Variants in CADM2 observed in about 807,000 individuals in gnomAD.
CADM2 encodes immunoglobulin superfamily member 4D.
Under a neutral mutation model 49.8 loss-of-function variants are expected in CADM2, and 12 were observed. The ratio of observed to expected loss-of-function variants is 0.24; its 90% CI spans 0.15 to 0.39. CADM2 has a LOEUF of 0.39. Among genes scored for constraint, CADM2 ranks in the 10% least tolerant of loss-of-function variants. The pLI is 1.00. For synonymous variants in CADM2, 214 were observed against 175.4 expected (o/e 1.22, Z -1.74); for missense variants, 378 against 492.3 (o/e 0.77, Z 2.20).
chr3:85,520,899 A>G (rs1352048159), intron 1 of CADM2, among the ~76,000 whole-genome samples: 2 of 152,032 alleles, frequency 1.3e-5, no homozygotes, highest in East Asian at 3.9e-4. Context: ...GCTTCTTAGT[A>G]TACTAAACTG....
At chr3:85,558,637 A>G (rs1336810898) in intron 1 of CADM2, among the ~76,000 whole-genome samples, 1 of 152,156 alleles carries the variant, frequency 6.6e-6, no homozygotes, top group African/African-American at 2.4e-5. Context: ...TCTTAGGACT[A>G]TTTGTTAACA....
At chr3:85,680,031 A>G in intron 1 of CADM2, among the ~76,000 whole-genome samples, 1 of 152,124 alleles carries the variant, frequency 6.6e-6, no homozygotes, top group South Asian at 2.1e-4. Context: ...TAAAGGAAAT[A>G]AAAACCCTTT....
At chr3:85,048,454 A>G (rs1354882522) in intron 1 of CADM2, among the ~76,000 whole-genome samples, 1 of 152,200 alleles carries the variant, frequency 6.6e-6, no homozygotes, top group African/African-American at 2.4e-5. Context: ...AAGAGATAAA[A>G]TGATTACAGC....
At chr3:85,967,360 G>A (rs917995121) in intron 8 of CADM2, among the ~76,000 whole-genome samples, 2 of 151,600 alleles carry the variant, frequency 1.3e-5, no homozygotes, top group African/African-American at 2.4e-5. Context: ...TTTCAAATAT[G>A]TAACAGATGT....
chr3:85,543,857 C>T (rs2061605124), intron 1 of CADM2, among the ~76,000 whole-genome samples: 2 of 152,118 alleles, frequency 1.3e-5, no homozygotes, highest in Non-Finnish European at 1.5e-5. Context: ...CCACTGTTCT[C>T]CACCTTTCAA....
chr3:85,117,061 A>G (rs1001392291), intron 1 of CADM2, among the ~76,000 whole-genome samples: 2 of 151,956 alleles, frequency 1.3e-5, no homozygotes, highest in African/African-American at 4.8e-5. Flanking sequence ...TCTCTACTAA[A>G]AATACAGAAA....
At chr3:85,666,391 A>G (rs2065569056) in intron 1 of CADM2, among the ~76,000 whole-genome samples, 1 of 151,952 alleles carries the variant, frequency 6.6e-6, no homozygotes, top group Non-Finnish European at 1.5e-5. Context: ...AGATTTAGAC[A>G]TGCTACCTAG....
intron 1 of CADM2, among the ~76,000 whole-genome samples, chr3:85,210,233 A>C (rs1468556416): frequency 1.3e-5 from 2 of 152,166 alleles, no homozygotes; most frequent in Non-Finnish European, 2.9e-5. Flanking sequence ...AATTGAAATG[A>C]TATGTTTTTT....
At chr3:85,357,683 C>T (rs17022720) in intron 1 of CADM2, among the ~76,000 whole-genome samples, 8,614 of 150,338 alleles carry the variant, frequency 0.057, 840 homozygotes, top group African/African-American at 0.2. Flanking sequence ...TTCCCAAGGT[C>T]GCATTCAAGG....
intron 1 of CADM2, among the ~76,000 whole-genome samples, chr3:85,581,888 C>T (rs576926700): frequency 2.7e-5 from 4 of 149,278 alleles, no homozygotes; most frequent in Admixed American, 2.0e-4. Flanking sequence ...GAATTTTAAA[C>T]CATGCTATTT....
chr3:85,360,381 A>G (rs968695198), intron 1 of CADM2, among the ~76,000 whole-genome samples: 2 of 152,188 alleles, frequency 1.3e-5, no homozygotes, highest in South Asian at 2.1e-4. Context: ...AAAAATAGCT[A>G]TAGACAAATA....
At chr3:85,931,646 C>T (rs936901038) in intron 6 of CADM2, among the ~76,000 whole-genome samples, 1 of 152,046 alleles carries the variant, frequency 6.6e-6, no homozygotes, top group East Asian at 1.9e-4. Context: ...TTAGCAAAAG[C>T]ATTTGAATTA....
At chr3:85,991,708 C>G (rs745633613) in intron 8 of CADM2, among the ~76,000 whole-genome samples, 36 of 151,972 alleles carry the variant, frequency 2.4e-4, no homozygotes, top group Non-Finnish European at 3.7e-4. Flanking sequence ...CATAATATGG[C>G]TGATATTCTA....
At chr3:85,401,480 G>A (rs1258871972) in intron 1 of CADM2, among the ~76,000 whole-genome samples, 1 of 152,104 alleles carries the variant, frequency 6.6e-6, no homozygotes, top group Non-Finnish European at 1.5e-5. Flanking sequence ...GTTGGCATGT[G>A]GTGAAGATGG....
At chr3:85,521,870 A>G (rs1351643683) in intron 1 of CADM2, among the ~76,000 whole-genome samples, 1 of 152,058 alleles carries the variant, frequency 6.6e-6, no homozygotes, top group Non-Finnish European at 1.5e-5. Flanking sequence ...AGTAGCTGAA[A>G]ATGAATGCTG....
chr3:85,799,584 A>G (rs2071866048), intron 2 of CADM2, among the ~76,000 whole-genome samples: 1 of 152,066 alleles, frequency 6.6e-6, no homozygotes, highest in East Asian at 1.9e-4. Flanking sequence ...TATTGATTTG[A>G]GTATGTTGAA....
At chr3:85,951,322 A>G (rs1723397259) in intron 7 of CADM2, among the ~76,000 whole-genome samples, 1 of 151,116 alleles carries the variant, frequency 6.6e-6, no homozygotes, top group Non-Finnish European at 1.5e-5. Context: ...AGTAACTGCA[A>G]TAGGTGAAAA....
rs1410337480 is a variant in CADM2, at chr3:85,233,571, A to T, written c.61+273903A>T. Among the ~76,000 whole-genome samples the T allele has an allele frequency of 2.0e-5, 3 of 152,182 alleles. No homozygotes were observed. In the East Asian group the frequency reaches 5.8e-4, roughly 29 times the overall value. ...GTAAAATATATTAAAATAGTTAGCAAAAGTAACTTGATTTAGACTCACTTT... is the reference window on the plus strand; with the variant it reads ...GTAAAATATATTAAAATAGTTAGCATAAGTAACTTGATTTAGACTCACTTT... On this transcript the variant is annotated intron_variant, in intron 1 of 9. Coordinates refer to ENST00000383699, the MANE Select transcript of CADM2 (RefSeq NM_001167675.2).
chr3:85,809,840 A>G (rs1182343448), intron 3 of CADM2, among the ~76,000 whole-genome samples: 24 of 136,536 alleles, frequency 1.8e-4, no homozygotes, highest in Admixed American at 1.7e-3. Flanking sequence ...CTGGTTCTGT[A>G]TTTCAAAGTC....
Sources: gnomAD v4.1 joint callset for allele counts (sites outside exome capture counted in the v4.1 genomes callset) on GRCh38, gnomAD v4.1.1 for gene constraint, MANE v1.5 for transcripts, NCBI Gene and HGNC (gene_info 2026-07-23, HGNC 2026-07-21) for gene names.